The following LRRD1 variants were observed in gnomAD, a reference collection of about 807,000 sequenced individuals.
The protein encoded by LRRD1 is leucine-rich repeat and death domain-containing protein 1.
In LRRD1, 49 loss-of-function variants were observed where a neutral mutation model predicts 69.5. The observed-to-expected ratio is 0.70, with a 90% confidence interval of 0.56 to 0.89. The LOEUF (loss-of-function observed/expected upper bound fraction) is 0.89, where lower values mean the gene tolerates loss of function less well. Among genes scored for constraint, LRRD1 ranks in the 40% least tolerant of loss-of-function variants. The probability of loss-of-function intolerance (pLI) is 0.00; values close to 1 mark genes in which losing one functional copy is unlikely to be tolerated. For missense variants in LRRD1, 853 were observed against 956.0 expected (o/e 0.89, Z 1.42); for synonymous variants, 303 against 338.9 (o/e 0.89, Z 1.16).
chr7:92,155,359 A>G (rs1288938400), intron 3 of LRRD1, among the ~76,000 whole-genome samples: 6 of 152,228 alleles, frequency 3.9e-5, no homozygotes, highest in African/African-American at 1.4e-4. Context: ...AGATTTCATC[A>G]CACTGCTCAG....
intron 3 of LRRD1, among the ~76,000 whole-genome samples, chr7:92,154,432 T>C (rs1174736570): frequency 6.6e-6 from 1 of 151,944 alleles, no homozygotes; most frequent in African/African-American, 2.4e-5. Context: ...TTTGTAGAGA[T>C]GGGGTTTCCC....
At chr7:92,159,991 T>C (rs895208180) in intron 2 of LRRD1, among the ~76,000 whole-genome samples, 1 of 152,248 alleles carries the variant, frequency 6.6e-6, no homozygotes, top group African/African-American at 2.4e-5. Context: ...ACATGTTTTA[T>C]ACTTTTTGTA....
In LRRD1 at chr7:92,159,077, A is replaced by T; in HGVS notation, c.2044T>A (p.Tyr682Asn). 1 of 1,547,404 alleles carries T rather than the reference A, an allele frequency of 6.5e-7. No homozygotes were observed. The highest frequency in any genetic ancestry group is 1.4e-5 in the African/African-American group (1 of 72,940). The change falls in exon 3 of 6, where the codon TAC (tyrosine) becomes AAC (asparagine). Residue 682 changes from tyrosine (Y) to asparagine (N), a missense_variant. This residue lies in a region of LRRD1 where 739 missense variants were observed against 808.0 expected (regional missense o/e 0.91). Coordinates refer to ENST00000458448, the MANE Select transcript of LRRD1 (RefSeq NM_001161528.2). ...GGAAGATAACTTATTTGATTATTGT[A>T]TGCATGTAAACTAACCAAATTTCTC... ...ELRNLVSLHA[Y>N]NNQISYLPPS...
At chr7:92,155,208 T>C (rs1365241264) in intron 3 of LRRD1, among the ~76,000 whole-genome samples, 2 of 152,104 alleles carry the variant, frequency 1.3e-5, no homozygotes, top group African/African-American at 4.8e-5. Flanking sequence ...TTAGGGCCAT[T>C]AATAAGTAAA....
intron 3 of LRRD1, among the ~76,000 whole-genome samples, chr7:92,158,736 A>G (rs1788729823): frequency 6.6e-6 from 1 of 152,152 alleles, no homozygotes; most frequent in Non-Finnish European, 1.5e-5. Flanking sequence ...TTGGGTTCAG[A>G]AAGGGAAGAA....
chr7:92,163,201 C>T (rs776076389), intron 2 of LRRD1, 85 bp downstream of exon 2: 53 of 843,182 alleles, frequency 6.3e-5, no homozygotes, highest in Non-Finnish European at 7.8e-5. Context: ...AACACACATA[C>T]GGTACCCACA....
Position 92,150,546 on chromosome 7 carries a change from C to T in LRRD1, c.2266G>A (p.Asp756Asn), listed in dbSNP as rs987182786. 6.5e-7 allele frequency: 1 copy of T among 1,543,856 alleles called. No individual in the cohort carries two copies. The highest frequency in any genetic ancestry group is 1.2e-5 in the South Asian group (1 of 81,630). Reference protein sequence around the residue: ...YTIARYLQRADERDEKILEKI... With the variant: ...YTIARYLQRANERDEKILEKI... ...ACTCATCACCTACCATCTCTTTCAT[C>T]TGCCCTCTGTAGATAGCGTGCAATA... Residue 756 changes from aspartate (D) to asparagine (N), a missense_variant, in exon 4 of 6, where the codon GAT (aspartate) becomes AAT (asparagine). Asp to Asn is a conservative substitution (Grantham distance 23). Coordinates refer to ENST00000458448, the MANE Select transcript of LRRD1 (RefSeq NM_001161528.2).
In LRRD1 at chr7:92,164,309, A is replaced by T; in HGVS notation, c.894T>A (p.Ala298=). 2.6e-6 allele frequency: 4 copies of T among 1,550,968 alleles called. No individual in the cohort carries two copies. In the South Asian group the frequency reaches 4.8e-5, roughly 18 times the overall value. ...AAATTAACTTTGGAAGGAAGCAGAGAGCTTTAGGAAATGTTGTTAACTGAT... is the reference window on the plus strand; with the variant it reads ...AAATTAACTTTGGAAGGAAGCAGAGTGCTTTAGGAAATGTTGTTAACTGAT... ...EYNQLTTFPK[A]LCFLPKLISL... is the part of the protein sequence containing the mutation. The change falls in exon 2 of 6, where the codon GCT becomes GCA. Residue 298 remains alanine (A), a synonymous_variant. Coordinates refer to ENST00000458448, the MANE Select transcript of LRRD1 (RefSeq NM_001161528.2).
rs1222792622 is a variant in LRRD1, at chr7:92,164,999, T to A, written c.204A>T (p.Thr68=). 6.4e-7 allele frequency: 1 copy of A among 1,551,318 alleles called. No individual in the cohort carries two copies. The highest frequency in any genetic ancestry group is 1.2e-5 in the South Asian group (1 of 84,048). The change falls in exon 2 of 6, where the codon ACA becomes ACT. Residue 68 remains threonine, a synonymous_variant. Coordinates refer to ENST00000458448, the MANE Select transcript of LRRD1 (RefSeq NM_001161528.2). ...TCTTAGACTTCCTTCCAGAGGAAGA[T>A]GTTGACTCTAATGTATTCTGTCTAG... ...THPRQNTLES[T]SSSGRKSKRN...
chr7:92,149,597 G>A (rs527412606), intron 4 of LRRD1, among the ~76,000 whole-genome samples: 3 of 152,324 alleles, frequency 2.0e-5, no homozygotes, highest in African/African-American at 2.4e-5. Context: ...GCTCAAGGAC[G>A]GATGGGATAA....
intron 1 of LRRD1, among the ~76,000 whole-genome samples, chr7:92,174,326 T>C (rs986148150): frequency 6.6e-6 from 1 of 151,184 alleles, no homozygotes; most frequent in African/African-American, 2.4e-5. Context: ...GAGAATAATT[T>C]GAATGTTTCT....
intron 2 of LRRD1, among the ~76,000 whole-genome samples, chr7:92,160,712 C>T (rs1005360357): frequency 6.6e-6 from 1 of 152,108 alleles, no homozygotes; most frequent in African/African-American, 2.4e-5. Context: ...ACTCAGGAGC[C>T]TGAGGCAGGA....
chr7:92,173,938 A>G (rs967224917), intron 1 of LRRD1, among the ~76,000 whole-genome samples: 44 of 152,198 alleles, frequency 2.9e-4, no homozygotes, highest in African/African-American at 9.9e-4. Context: ...AGTATCTATC[A>G]ACAGATGAAT....
Position 92,163,716 on chromosome 7 carries a change from C to T in LRRD1, c.1487G>A (p.Gly496Glu), listed in dbSNP as rs1340769941. 8.6e-6 allele frequency: 13 copies of T among 1,504,648 alleles called. No homozygotes were observed. Among genetic ancestry groups the T allele is most frequent in the Non-Finnish European group, 1.2e-5 (13 of 1,128,906 alleles). The allele number at this position is 1,504,648 out of a possible 1,614,324, so 93.2% of individuals were successfully genotyped here. The part of the protein sequence containing the change: ...LDSLYYLSVN[G>E]NYISEIPVDI... ...CACAGGTATTTCTGAAATATAATTTCCATTAACACTCAAATAATAAAGAGA... is the reference window on the plus strand; with the variant it reads ...CACAGGTATTTCTGAAATATAATTTTCATTAACACTCAAATAATAAAGAGA... The change falls in exon 2 of 6, where the codon GGA becomes GAA. Residue 496 changes from glycine to glutamate, a missense_variant. This residue lies in a region of LRRD1 where 739 missense variants were observed against 808.0 expected (regional missense o/e 0.91). Transcript: ENST00000458448.
intron 3 of LRRD1, among the ~76,000 whole-genome samples, chr7:92,154,435 G>T (rs1788605866): frequency 6.6e-6 from 1 of 151,788 alleles, no homozygotes; most frequent in African/African-American, 2.4e-5. Flanking sequence ...GTAGAGATGG[G>T]GTTTCCCCAT....
rs377591930 is a variant in LRRD1 at position 92,167,244 on chromosome 7, C to T, written c.-74-1968G>A. ...CTGAGTAGCTGGGACTACAGGCGCACGCCACCACACCCAGCTAATTTTTGC... is the reference window on the plus strand; with the variant it reads ...CTGAGTAGCTGGGACTACAGGCGCATGCCACCACACCCAGCTAATTTTTGC... On this transcript the variant is annotated intron_variant, in intron 1 of 5. Transcript: ENST00000458448. Among the ~76,000 whole-genome samples, 308 of 151,726 alleles carry T rather than the reference C, an allele frequency of 2.0e-3. 1 individual carries two copies. The highest frequency in any genetic ancestry group is 6.8e-3 in the African/African-American group (282 of 41,394).
downstream of LRRD1, chr7:92,144,765 CTT>C (rs1820274221): frequency 3.9e-6 from 2 of 518,874 alleles, no homozygotes; most frequent in South Asian, 4.9e-5. Context: ...GTCATCATCT[CTT>C]AAGAATGAAA....
chr7:92,150,650 GAA>G lies in LRRD1; in HGVS notation c.2160_2161del (p.Ser721ThrfsTer7), dbSNP rs1489106531. The G allele has an allele frequency of 1.3e-6, 2 of 1,549,732 alleles. No homozygotes were observed. The highest frequency in any genetic ancestry group is 3.9e-5 in the Admixed American group (2 of 50,898). On this transcript the variant is annotated frameshift_variant, in exon 4 of 6. Coordinates refer to ENST00000458448, the MANE Select transcript of LRRD1 (RefSeq NM_001161528.2). LOFTEE classifies it high-confidence loss of function. Reference sequence around the variant, plus strand: ...GTCATCAAAATTTATCTCCTTCAGTGAAAAAATATTGTAGATAGCACTAGGTA... The same window carrying G: ...GTCATCAAAATTTATCTCCTTCAGTGAAAATATTGTAGATAGCACTAGGTA...
Position 92,146,137 on chromosome 7 carries a change from A to C in LRRD1, c.2342T>G (p.Phe781Cys), listed in dbSNP as rs1563187758. 1 of 1,543,650 alleles carries C rather than the reference A, an allele frequency of 6.5e-7. No individual in the cohort carries two copies. ...TGCCAGGTTTAGTTTTTGACATAAA[A>C]ATTCAAAATTGGTTTCAGTGATGTT... ...ANNITETNFE[F>C]LCQKLNLANS... The change falls in exon 5 of 6, where the codon TTT becomes TGT. Residue 781 changes from phenylalanine (F) to cysteine (C), a missense_variant. Around this residue, in one of 3 missense-constraint regions of LRRD1, gnomAD observed 739 missense variants for 808.0 expected, o/e 0.91. Transcript: ENST00000458448.
Sources: gnomAD v4.1 joint callset for allele counts (sites outside exome capture counted in the v4.1 genomes callset) on GRCh38, gnomAD v4.1.1 for gene constraint, gnomAD v4.1.1 regional missense constraint, MANE v1.5 for transcripts, NCBI Gene and HGNC (gene_info 2026-07-23, HGNC 2026-07-21) for gene names.